PCDHGA7: variants seen among roughly 807,000 people sequenced by gnomAD.
The protein encoded by PCDHGA7 is protocadherin gamma-A7.
PCDHGA7 carries 44 observed loss-of-function variants against 58.3 expected under a neutral mutation model. That is an observed-to-expected ratio of 0.75 (90% confidence interval 0.59 to 0.97). PCDHGA7 has a LOEUF of 0.97. Among genes scored for constraint, PCDHGA7 ranks in the 50% least tolerant of loss-of-function variants. The pLI, the probability that PCDHGA7 is intolerant of heterozygous loss-of-function variation, is 0.00. For missense variants in PCDHGA7, 1,266 were observed against 1,188.7 expected (o/e 1.06, Z -0.96); for synonymous variants, 516 against 504.2 (o/e 1.02, Z -0.31).
At chr5:141,427,970 C>G in intron 1 of PCDHGA7, 1 of 1,592,510 alleles carries the variant, frequency 6.3e-7, no homozygotes. Context: ...GGGTGCTGTA[C>G]CCCGCGCTGG....
At chr5:141,392,930 G>A (rs568235859) in intron 1 of PCDHGA7, 2 of 1,613,790 alleles carry the variant, frequency 1.2e-6, no homozygotes, top group Non-Finnish European at 1.7e-6. Flanking sequence ...CAGAAGAGAC[G>A]GACAAAGGCT....
intron 1 of PCDHGA7, among the ~76,000 whole-genome samples, chr5:141,463,438 C>CTTTTTTTTTTTTT (rs71576115): frequency 9.7e-6 from 1 of 103,256 alleles, no homozygotes; most frequent in Non-Finnish European, 1.9e-5. Context: ...TTTCCTTCTC[C>CTTTTTTTTTTTTT]TTTTTTTTTT....
At chr5:141,394,009 GTAATTATTATAGA>G (rs780846520) in intron 1 of PCDHGA7, 1 of 1,613,394 alleles carries the variant, frequency 6.2e-7, no homozygotes, top group Non-Finnish European at 8.5e-7. Context: ...AAGTCAATAG[GTAATTATTATAGA>G]TTAGTGACAA....
chr5:141,393,578 GC>G, intron 1 of PCDHGA7: 1 of 1,613,930 alleles, frequency 6.2e-7, no homozygotes. Context: ...TTGAGAACAT[GC>G]CCCCAGGCAC....
chr5:141,432,276 C>G lies in PCDHGA7; in HGVS notation c.2424+46953C>G, dbSNP rs747589363. ...GGGGCAAGCCTATCGTCCTACGTGT[C>G]CATCAACTCCGACACTGGGGTACTG... On this transcript the variant is annotated intron_variant, in intron 1 of 3. Transcript: ENST00000518325. The surrounding 1 kb of genome is among the most constrained non-coding windows in gnomAD (Gnocchi z 6.0). 6.2e-7 allele frequency: 1 copy of G among 1,614,236 alleles called. No homozygotes were observed. Among genetic ancestry groups the G allele is most frequent in the Non-Finnish European group, 8.5e-7 (1 of 1,180,044 alleles).
intron 3 of PCDHGA7, among the ~76,000 whole-genome samples, chr5:141,505,989 T>C (rs1275642739): frequency 6.6e-6 from 1 of 152,136 alleles, no homozygotes; most frequent in Non-Finnish European, 1.5e-5. Context: ...ACACCTCCTC[T>C]TTATGCGAGG....
chr5:141,409,748 G>C, intron 1 of PCDHGA7: 2 of 1,613,018 alleles, frequency 1.2e-6, no homozygotes, highest in South Asian at 2.2e-5. Context: ...GGTGGTGTTC[G>C]CGCAGCGCGC....
chr5:141,486,816 C>G lies in PCDHGA7; in HGVS notation c.2425-7991C>G. The G allele has an allele frequency of 6.2e-7, 1 of 1,614,252 alleles. No individual in the cohort carries two copies. Among genetic ancestry groups the G allele is most frequent in the East Asian group, 2.2e-5 (1 of 44,884 alleles). ...CGGGGCAACCCACCCCTTAGCAGCACTGTAACAGTTCGTCTATTTGTGCTG... is the reference window on the plus strand; with the variant it reads ...CGGGGCAACCCACCCCTTAGCAGCAGTGTAACAGTTCGTCTATTTGTGCTG... On this transcript the variant is annotated intron_variant, in intron 1 of 3. Coordinates refer to ENST00000518325, the MANE Select transcript of PCDHGA7 (RefSeq NM_018920.4). The surrounding 1 kb of genome is among the most constrained non-coding windows in gnomAD (Gnocchi z 5.0).
rs774354457 is a variant in PCDHGA7 at position 141,409,462 on chromosome 5, CA to C, written c.2424+24140del. 8.1e-6 allele frequency: 13 copies of C among 1,613,870 alleles called. No individual in the cohort carries two copies. The East Asian group carries it at 2.9e-4, about 36-fold the overall frequency. On this transcript the variant is annotated intron_variant, in intron 1 of 3. Coordinates refer to ENST00000518325, the MANE Select transcript of PCDHGA7 (RefSeq NM_018920.4). ...GAGAGCAGACACCAGAATACAATGT[CA>C]CCATCGTAGCCACTGACAGGGGCAA... is the stretch of plus-strand genomic sequence containing the variant.
chr5:141,485,887 C>T lies in PCDHGA7; in HGVS notation c.2425-8920C>T. 1 of 1,614,098 alleles carries T rather than the reference C, an allele frequency of 6.2e-7. No homozygotes were observed. On this transcript the variant is annotated intron_variant, in intron 1 of 3. Transcript: ENST00000518325. The surrounding 1 kb of genome is among the most constrained non-coding windows in gnomAD (Gnocchi z 5.7). ...TATCCGTGCTGGACGTAAACGACAA[C>T]GCCCCAGCCTTCCAGCAATCCAGCT...
In PCDHGA7 at chr5:141,431,710, G is replaced by A. The variant is rs1249423969; in HGVS notation, c.2424+46387G>A. On this transcript the variant is annotated intron_variant, in intron 1 of 3. Coordinates refer to ENST00000518325, the MANE Select transcript of PCDHGA7 (RefSeq NM_018920.4). The surrounding 1 kb of genome is among the most constrained non-coding windows in gnomAD (Gnocchi z 4.8). ...ACGAGGAGTCAGGATTCTACCAGAT[G>A]GAAGTGCAAGCAATGGATAATGCAG... is the stretch of plus-strand genomic sequence containing the variant. 3.1e-6 allele frequency: 5 copies of A among 1,614,116 alleles called. No individual in the cohort carries two copies. Among genetic ancestry groups the A allele is most frequent in the South Asian group, 1.1e-5 (1 of 91,088 alleles).
chr5:141,403,927 G>A, intron 1 of PCDHGA7: 3 of 1,613,852 alleles, frequency 1.9e-6, no homozygotes, highest in East Asian at 2.2e-5. Context: ...AAGATGGTGG[G>A]GGATTGAAAG....
rs1778438315 is a variant in PCDHGA7, at chr5:141,382,789, T to C, written c.-111T>C. On this transcript the variant is annotated 5_prime_UTR_variant, in exon 1 of 4. Transcript: ENST00000518325. Reference sequence around the variant, plus strand: ...AGGCTGCACTAAACTCAAGCCTCTATCCTGCTGGATTCTGAGCTCCCCTTC... The same window carrying C: ...AGGCTGCACTAAACTCAAGCCTCTACCCTGCTGGATTCTGAGCTCCCCTTC... The C allele has an allele frequency of 4.3e-6, 4 of 924,532 alleles. No homozygotes were observed. The highest frequency in any genetic ancestry group is 3.3e-5 in the African/African-American group (2 of 60,686). The allele number at this position is 924,532 out of a possible 1,614,324, so 57.3% of individuals were successfully genotyped here.
At chr5:141,395,346 T>C in intron 1 of PCDHGA7, 1 of 1,396,344 alleles carries the variant, frequency 7.2e-7, no homozygotes. Context: ...TTAAGGTGTA[T>C]CACAGAGTTT....
chr5:141,423,260 G>A (rs1402237346), intron 1 of PCDHGA7: 2 of 1,613,996 alleles, frequency 1.2e-6, no homozygotes, highest in South Asian at 1.1e-5. Flanking sequence ...GACCTCGGCA[G>A]CCTCGAGTCT....
At chr5:141,502,056 C>A (rs1163976282) in intron 2 of PCDHGA7, among the ~76,000 whole-genome samples, 1 of 152,116 alleles carries the variant, frequency 6.6e-6, no homozygotes, top group Non-Finnish European at 1.5e-5. Context: ...CTACTTTATT[C>A]CCATTAGCCC....
At chr5:141,421,089 T>A (rs1047424267) in intron 1 of PCDHGA7, 25 of 661,836 alleles carry the variant, frequency 3.8e-5, no homozygotes, top group Middle Eastern at 4.1e-4. Context: ...TCACAGATCC[T>A]GACACTGGAG....
intron 1 of PCDHGA7, chr5:141,409,185 C>G (rs765063807): frequency 6.2e-7 from 1 of 1,614,024 alleles, no homozygotes; most frequent in South Asian, 1.1e-5. Flanking sequence ...GGTGGTCTCT[C>G]TACCCAGTGT....
chr5:141,384,532 A>T lies in PCDHGA7; in HGVS notation c.1633A>T (p.Asn545Tyr), dbSNP rs766404100. 1 of 1,614,238 alleles carries T rather than the reference A, an allele frequency of 6.2e-7. No homozygotes were observed. The highest frequency in any genetic ancestry group is 1.1e-5 in the South Asian group (1 of 91,092). The change falls in exon 1 of 4, where the codon AAC (asparagine) becomes TAC (tyrosine). Residue 545 changes from asparagine to tyrosine, a missense_variant. Asn to Tyr is a moderately radical substitution (Grantham distance 143, BLOSUM62 -2). Transcript: ENST00000518325. ...CAGCGGGGACCCGCCTCTCAGCAGC[A>T]ACATGTCACTGAGCCTGTTCGTGCT... The part of the protein sequence containing the change: ...HDSGDPPLSS[N>Y]MSLSLFVLDQ...
Sources: gnomAD v4.1 joint callset for allele counts (sites outside exome capture counted in the v4.1 genomes callset) on GRCh38, gnomAD v4.1.1 for gene constraint, Gnocchi (gnomAD v3.1) non-coding constraint, MANE v1.5 for transcripts, NCBI Gene and HGNC (gene_info 2026-07-23, HGNC 2026-07-21) for gene names.